The following EP400 variants were observed in gnomAD, a reference collection of about 807,000 sequenced individuals.
EP400 encodes the protein E1A binding protein p400.
A neutral mutation model predicts 354.1 loss-of-function variants in EP400; 105 were observed. The ratio of observed to expected loss-of-function variants is 0.30; its 90% CI spans 0.25 to 0.35. The LOEUF is 0.35. EP400 is among the 10% of genes least tolerant of loss of function. The pLI, the probability that EP400 is intolerant of heterozygous loss-of-function variation, is 1.00. For missense variants in EP400, 3,280 were observed against 4,121.0 expected, an observed-to-expected ratio of 0.80 and a Z score of 5.59; for synonymous variants, 1,646 against 1,716.9, an observed-to-expected ratio of 0.96 and a Z score of 1.02.
At chr12:132,061,425 G>A (rs1214688505) in intron 45 of EP400, among the ~76,000 whole-genome samples, 1 of 152,254 alleles carries the variant, frequency 6.6e-6, no homozygotes, top group African/African-American at 2.4e-5. Flanking sequence ...AAAGGATCAA[G>A]AGAAACTAAA....
Position 131,987,805 on chromosome 12 carries a change from A to C in EP400, c.2324A>C (p.His775Pro), listed in dbSNP as rs570171764. The C allele has an allele frequency of 1.3e-5, 21 of 1,613,494 alleles. No individual in the cohort carries two copies. The highest frequency in any genetic ancestry group is 1.7e-4 in the Middle Eastern group (1 of 5,750). Residue 775 changes from histidine (H) to proline (P), a missense_variant, in exon 7 of 53, where the codon CAC (histidine) becomes CCC (proline). Coordinates refer to ENST00000389561, the MANE Select transcript of EP400 (RefSeq NM_015409.5). ...KLQEAPRPKS[H>P]WDYLLEEMQW... ...CAGGAGGCCCCACGCCCCAAGTCCC[A>C]CTGGGACTATCTGCTGGAGGAGATG...
chr12:131,979,606 C>T (rs550700969), intron 2 of EP400, 88 bp from the exon 3 acceptor site: 20 of 1,170,720 alleles, frequency 1.7e-5, no homozygotes, highest in African/African-American at 3.1e-5. Context: ...GGAAGGAGGT[C>T]GATGTTTGGG....
intron 30 of EP400, among the ~76,000 whole-genome samples, chr12:132,032,776 G>C (rs1894564521): frequency 6.6e-6 from 1 of 151,912 alleles, no homozygotes; most frequent in Non-Finnish European, 1.5e-5. Context: ...GACTACAGGC[G>C]TGCACCACCA....
Position 131,990,242 on chromosome 12 carries a change from G to A in EP400, c.2550+138G>A, listed in dbSNP as rs545199867. On this transcript the variant is annotated intron_variant, in intron 8 of 52. Coordinates refer to ENST00000389561, the MANE Select transcript of EP400 (RefSeq NM_015409.5). This position sits in a 1 kb window ranked among gnomAD's most constrained non-coding sequence, Gnocchi z 4.2. ...GTCAGCAACGTGTGCACTCTCCTGG[G>A]CTGTTGCTTGTTGGCCTTTGAATGA... 6.8e-6 allele frequency: 7 copies of A among 1,035,368 alleles called. No homozygotes were observed. Among genetic ancestry groups the A allele is most frequent in the Non-Finnish European group, 8.4e-6 (6 of 717,512 alleles). The allele number at this position is 1,035,368 out of a possible 1,614,324, so 64.1% of individuals were successfully genotyped here.
intron 1 of EP400, among the ~76,000 whole-genome samples, chr12:131,953,249 C>T (rs1313857635): frequency 2.6e-5 from 4 of 152,016 alleles, no homozygotes; most frequent in African/African-American, 4.8e-5. Context: ...TTAGCGGGGC[C>T]GTGGAAAAAT....
At position 132,012,952 on chromosome 12, in the gene EP400, G is replaced by A. The variant is rs537423618; in HGVS notation, c.3442-57G>A. 4.3e-5 allele frequency: 64 copies of A among 1,500,144 alleles called. No individual in the cohort carries two copies. The African/African-American group carries it at 8.1e-4, about 19-fold the overall frequency. The allele number at this position is 1,500,144 out of a possible 1,614,324, so 92.9% of individuals were successfully genotyped here. On this transcript the variant is annotated intron_variant, in intron 16 of 52. Transcript: ENST00000389561. ...GCTTTGGGAAGTGTGTGTCCTCAAG[G>A]TGATTTTGAAAGACAGTGGAGTGTG...
chr12:131,951,530 TTC>T (rs1193377013), intron 1 of EP400, among the ~76,000 whole-genome samples: 1 of 152,202 alleles, frequency 6.6e-6, no homozygotes, highest in African/African-American at 2.4e-5. Context: ...ATGAGTTGTA[TTC>T]TTTTTTACTT....
At chr12:131,953,096 A>C (rs1891571016) in intron 1 of EP400, among the ~76,000 whole-genome samples, 1 of 152,166 alleles carries the variant, frequency 6.6e-6, no homozygotes, top group Non-Finnish European at 1.5e-5. Flanking sequence ...AGAAGGGTGA[A>C]AAAACTTAGG....
In EP400 at chr12:131,992,359, C is replaced by T; in HGVS notation, c.2737+129C>T. On this transcript the variant is annotated intron_variant, in intron 11 of 52. Coordinates refer to ENST00000389561, the MANE Select transcript of EP400 (RefSeq NM_015409.5). ...GGAAAGCTCAACCTTTGTATTTATC[C>T]AGATGTCTCTCAGTGTATAGAGTAC... 3 of 834,512 alleles carry T rather than the reference C, an allele frequency of 3.6e-6. No homozygotes were observed. In the South Asian group the frequency reaches 4.9e-5, roughly 14 times the overall value. The allele number at this position is 834,512 out of a possible 1,614,324, so 51.7% of individuals were successfully genotyped here. A position where few individuals can be genotyped will look rare whatever the true frequency, so the allele number is the denominator to read the frequency against.
Position 132,073,459 on chromosome 12 carries a change from C to CTTTTTTTTTTTTT in EP400, c.9022-3055_9022-3043dup, listed in dbSNP as rs58724167. Among the ~76,000 whole-genome samples, 11 of 117,696 alleles carry CTTTTTTTTTTTTT rather than the reference C, an allele frequency of 9.3e-5. 1 individual carries two copies. The highest frequency in any genetic ancestry group is 3.1e-4 in the African/African-American group (7 of 22,640). The allele number at this position is 117,696 out of a possible 152,430, so 77.2% of individuals were successfully genotyped here. On this transcript the variant is annotated intron_variant, in intron 51 of 52. Transcript: ENST00000389561. ...GTGCGTTTTAATTCTGTCCCTTTTC[C>CTTTTTTTTTTTTT]TTTTTTTTTTTTTTGACACAGTCTT... is the stretch of plus-strand genomic sequence containing the variant.
rs116993327 is a variant in EP400, at chr12:132,015,839, G to A, written c.3924-1696G>A. Among the ~76,000 whole-genome samples the A allele has an allele frequency of 7.2e-3, 1,091 of 152,204 alleles. 36 individuals are homozygous for A. The South Asian group carries it at 0.094, about 13-fold the overall frequency. ...GTTTGGGCGCTGTCTGGTGCTTGAC[G>A]GGATCCTTGGGTGGCCCAGGAGCGT... On this transcript the variant is annotated intron_variant, in intron 19 of 52. Transcript: ENST00000389561.
rs753140496 is a variant in EP400, at chr12:131,979,798, G to A, written c.1435+5G>A. On this transcript the variant is annotated splice_donor_5th_base_variant and intron_variant, in intron 3 of 52. Coordinates refer to ENST00000389561, the MANE Select transcript of EP400 (RefSeq NM_015409.5). ...TGCCCTCCACAGGTATGGCAGGTAC[G>A]TCGGCACGGCTAGCGTGGCCTCGGG... The A allele has an allele frequency of 1.1e-5, 18 of 1,599,702 alleles. 1 individual carries two copies. Among genetic ancestry groups the A allele is most frequent in the African/African-American group, 1.1e-4 (8 of 74,276 alleles).
rs553678996 is a variant in EP400 at position 131,954,450 on chromosome 12, C to T, written c.-36+4414C>T. On this transcript the variant is annotated intron_variant, in intron 1 of 52. Coordinates refer to ENST00000389561, the MANE Select transcript of EP400 (RefSeq NM_015409.5). ...AAAAAAATACAAAAATTTGGCTGGG[C>T]GCAGTGGCTCGTGCCTGTAATCCCA... Among the ~76,000 whole-genome samples, 3 of 151,322 alleles carry T rather than the reference C, an allele frequency of 2.0e-5. No homozygotes were observed. In the East Asian group the frequency reaches 5.9e-4, roughly 30 times the overall value.
intron 1 of EP400, among the ~76,000 whole-genome samples, chr12:131,959,355 G>A (rs966751315): frequency 1.3e-5 from 2 of 152,138 alleles, no homozygotes; most frequent in Non-Finnish European, 2.9e-5. Context: ...GAGAAAGAGC[G>A]ACCACAGTGG....
chr12:131,967,092 A>G (rs112357331), intron 2 of EP400, among the ~76,000 whole-genome samples: 2,176 of 151,806 alleles, frequency 0.014, 50 homozygotes, highest in African/African-American at 0.05. Context: ...AAAAAAATAA[A>G]AAGGTGGCTA....
intron 32 of EP400, among the ~76,000 whole-genome samples, chr12:132,039,070 G>A (rs538212673): frequency 3.8e-4 from 58 of 152,148 alleles, no homozygotes; most frequent in African/African-American, 1.3e-3. Flanking sequence ...GCCGACACCC[G>A]AGATTGAGCC....
At position 132,052,855 on chromosome 12, in the gene EP400, G is replaced by A. The variant is rs1895348161; in HGVS notation, c.7395-291G>A. 6.6e-6 allele frequency among the ~76,000 whole-genome samples: 1 copy of A among 152,172 alleles called. No homozygotes were observed. The highest frequency in any genetic ancestry group is 6.5e-5 in the Admixed American group (1 of 15,278). On this transcript the variant is annotated intron_variant, in intron 41 of 52. Coordinates refer to ENST00000389561, the MANE Select transcript of EP400 (RefSeq NM_015409.5). This position sits in a 1 kb window ranked among gnomAD's most constrained non-coding sequence, Gnocchi z 4.4. Reference sequence around the variant, plus strand: ...TCCCAAGTACAGTGCAGACACATGAGGTGGGCTGTGCGTTTGGGGGCTGCC... The same window carrying A: ...TCCCAAGTACAGTGCAGACACATGAAGTGGGCTGTGCGTTTGGGGGCTGCC...
chr12:132,048,331 A>G (rs1223762344), intron 39 of EP400, among the ~76,000 whole-genome samples: 1 of 152,174 alleles, frequency 6.6e-6, no homozygotes, highest in East Asian at 1.9e-4. Context: ...AGAAATTATA[A>G]AAGTATTAAT....
In EP400 at chr12:132,031,984, G is replaced by A. The variant is rs1181839506; in HGVS notation, c.5786G>A (p.Arg1929Gln). Residue 1929 changes from arginine (R) to glutamine (Q), a missense_variant, in exon 30 of 53, where the codon CGG (arginine) becomes CAG (glutamine). Around this residue, in one of 20 missense-constraint regions of EP400, gnomAD observed 459 missense variants for 496.9 expected, o/e 0.92. Transcript: ENST00000389561. ...ELMRSFNRDR[R>Q]IFCAILSTHS... ...ATGAGGAGTTTCAACAGAGACAGGCGGATTTTTTGTGCCATTCTCTCCACT... is the reference window on the plus strand; with the variant it reads ...ATGAGGAGTTTCAACAGAGACAGGCAGATTTTTTGTGCCATTCTCTCCACT... 5.0e-6 allele frequency: 8 copies of A among 1,612,876 alleles called. No individual in the cohort carries two copies. Among genetic ancestry groups the A allele is most frequent in the Non-Finnish European group, 5.1e-6 (6 of 1,179,226 alleles).
Sources: allele counts gnomAD v4.1 joint callset (sites outside exome capture counted in the v4.1 genomes callset), GRCh38; gene constraint gnomAD v4.1.1; regional missense constraint gnomAD v4.1.1; non-coding constraint Gnocchi (gnomAD v3.1); transcripts MANE v1.5; gene names NCBI Gene and HGNC (gene_info 2026-07-23, HGNC 2026-07-21).